RALGAPB: variants seen among roughly 807,000 people sequenced by gnomAD.
RALGAPB encodes Ral GTPase activating protein non-catalytic subunit beta, also known as ral GTPase-activating protein subunit beta.
In RALGAPB, 25 loss-of-function variants were observed where a neutral mutation model predicts 161.1. The ratio of observed to expected loss-of-function variants is 0.16; its 90% confidence interval spans 0.11 to 0.22. The LOEUF is 0.22. Among genes scored for constraint, RALGAPB ranks in the 10% least tolerant of loss-of-function variants. The pLI, the probability that RALGAPB is intolerant of heterozygous loss-of-function variation, is 1.00. For missense variants in RALGAPB, 1,391 were observed against 1,815.2 expected (o/e 0.77, Z 4.25); for synonymous variants, 629 against 626.1 (o/e 1.00, Z -0.07).
At chr20:38,475,400 T>C (rs2084775007) in intron 1 of RALGAPB, among the ~76,000 whole-genome samples, 1 of 152,194 alleles carries the variant, frequency 6.6e-6, no homozygotes, top group Non-Finnish European at 1.5e-5. Context: ...CCATTTGCCA[T>C]ATTTACAAGT....
Position 38,488,476 on chromosome 20 carries a change from A to G in RALGAPB, c.44A>G (p.Asp15Gly), listed in dbSNP as rs370461430. 1 of 1,614,188 alleles carries G rather than the reference A, an allele frequency of 6.2e-7. No homozygotes were observed. The highest frequency in any genetic ancestry group is 8.5e-7 in the Non-Finnish European group (1 of 1,180,028). ...TCACTGCATTTGGTGATTCAGAATG[A>G]TCAAGGCCATACCAGTGTGCTGCAC... ...WRSLHLVIQNDQGHTSVLHSY... is the reference protein window; with the variant it reads ...WRSLHLVIQNGQGHTSVLHSY... Residue 15 changes from aspartate (D) to glycine (G), a missense_variant, in exon 2 of 30, where the codon GAT becomes GGT. By Grantham distance (94) the Asp-to-Gly change is moderately conservative. This residue lies in a region of RALGAPB where 946 missense variants were observed against 1,257.2 expected (regional missense o/e 0.75). Coordinates refer to ENST00000262879, the MANE Select transcript of RALGAPB (RefSeq NM_020336.4).
rs1422103936 is a variant in RALGAPB, at chr20:38,551,092, C to T, written c.3031C>T (p.Pro1011Ser). 3 of 1,613,868 alleles carry T rather than the reference C, an allele frequency of 1.9e-6. No homozygotes were observed. Among genetic ancestry groups the T allele is most frequent in the Non-Finnish European group, 1.7e-6 (2 of 1,179,868 alleles). ...NQKLFVPEPRPVPKNDVGFKY... is the reference protein window; with the variant it reads ...NQKLFVPEPRSVPKNDVGFKY... ...ACAGCTTTTTGTACCTGAACCTCGCCCAGTTCCTAAAAATGACGTTGGATT... is the reference window on the plus strand; with the variant it reads ...ACAGCTTTTTGTACCTGAACCTCGCTCAGTTCCTAAAAATGACGTTGGATT... Residue 1011 changes from proline to serine, a missense_variant, in exon 21 of 30, where the codon CCA becomes TCA. Coordinates refer to ENST00000262879, the MANE Select transcript of RALGAPB (RefSeq NM_020336.4).
At chr20:38,482,532 A>G (rs1004377664) in intron 1 of RALGAPB, among the ~76,000 whole-genome samples, 2 of 148,380 alleles carry the variant, frequency 1.3e-5, no homozygotes, top group African/African-American at 5.0e-5. Flanking sequence ...GGTTCAAGAG[A>G]TTCTACTGCC....
intron 19 of RALGAPB, 55 bp downstream of exon 19, chr20:38,546,485 C>T (rs2087168016): frequency 6.3e-7 from 1 of 1,597,636 alleles, no homozygotes. Context: ...TTACCAGTAC[C>T]ATGAAGCTGT....
intron 29 of RALGAPB, 64 bp from the exon 30 acceptor site, chr20:38,574,710 C>G (rs1279789545): frequency 1.4e-6 from 2 of 1,472,152 alleles, no homozygotes; most frequent in African/African-American, 2.8e-5. Flanking sequence ...CACCTGAATA[C>G]TTACAGTTCA....
chr20:38,499,653 C>T lies in RALGAPB; in HGVS notation c.740+20C>T, dbSNP rs2122950995. 1 of 1,594,994 alleles carries T rather than the reference C, an allele frequency of 6.3e-7. No individual in the cohort carries two copies. Among genetic ancestry groups the T allele is most frequent in the Non-Finnish European group, 8.5e-7 (1 of 1,170,836 alleles). ...TTCCAGGTAGGTTATTGTCATTGCCCTGCCTTCCTTCACCTGTCTGACCTT... is the reference window on the plus strand; with the variant it reads ...TTCCAGGTAGGTTATTGTCATTGCCTTGCCTTCCTTCACCTGTCTGACCTT... On this transcript the variant is annotated intron_variant, in intron 5 of 29. Transcript: ENST00000262879.
rs566218181 is a variant in RALGAPB, at chr20:38,528,557, T to C, written c.2050+2515T>C. Among the ~76,000 whole-genome samples the C allele has an allele frequency of 1.5e-3, 233 of 151,490 alleles. 1 individual carries two copies. The highest frequency in any genetic ancestry group is 2.8e-3 in the Non-Finnish European group (189 of 67,788). ...GGCTAATTTTTTGTTGTTGTTAGAA[T>C]AGGGTCTTGCTCTGTTGCCCAGGCT... On this transcript the variant is annotated intron_variant, in intron 13 of 29. Coordinates refer to ENST00000262879, the MANE Select transcript of RALGAPB (RefSeq NM_020336.4).
At chr20:38,558,802 A>T (rs2087684955) in intron 23 of RALGAPB, among the ~76,000 whole-genome samples, 1 of 152,222 alleles carries the variant, frequency 6.6e-6, no homozygotes, top group Admixed American at 6.5e-5. Context: ...TGGTGGTGAC[A>T]CACAGTCTAG....
At chr20:38,534,584 A>G (rs1278969074) in intron 15 of RALGAPB, among the ~76,000 whole-genome samples, 1 of 152,212 alleles carries the variant, frequency 6.6e-6, no homozygotes, top group African/African-American at 2.4e-5. Flanking sequence ...ATGTTAAAGT[A>G]TGTTTGAAAA....
chr20:38,494,562 C>T (rs1037102061), intron 3 of RALGAPB, among the ~76,000 whole-genome samples: 4 of 152,034 alleles, frequency 2.6e-5, no homozygotes, highest in African/African-American at 4.8e-5. Context: ...ATCTGGGAGG[C>T]GGAGGTTGCA....
intron 23 of RALGAPB, among the ~76,000 whole-genome samples, chr20:38,561,957 C>T (rs1011840026): frequency 1.3e-5 from 2 of 152,190 alleles, no homozygotes; most frequent in African/African-American, 2.4e-5. Context: ...AGAAACCCCA[C>T]GCATTACATT....
intron 29 of RALGAPB, 145 bp downstream of exon 29, chr20:38,574,443 C>T (rs1412335256): frequency 4.0e-6 from 4 of 991,616 alleles, no homozygotes; most frequent in Non-Finnish European, 5.7e-6. Flanking sequence ...AAAAAGGGAG[C>T]ATGTTTCGTT....
chr20:38,499,295 C>A, intron 4 of RALGAPB, 152 bp from the exon 5 acceptor site: 1 of 761,352 alleles, frequency 1.3e-6, no homozygotes, highest in Non-Finnish European at 2.0e-6. Context: ...CTAAGAATTG[C>A]TTCTCATTTT....
chr20:38,478,947 T>C (rs1353786770), intron 1 of RALGAPB, among the ~76,000 whole-genome samples: 1 of 152,138 alleles, frequency 6.6e-6, no homozygotes. Flanking sequence ...GATGAGGCTT[T>C]GCCATATTGG....
chr20:38,550,061 G>A (rs925278784), intron 20 of RALGAPB, among the ~76,000 whole-genome samples: 2 of 152,010 alleles, frequency 1.3e-5, no homozygotes, highest in Non-Finnish European at 2.9e-5. Context: ...ACCAAACACC[G>A]CATATTCTCA....
At chr20:38,484,559 ATTTTG>A (rs1031262022) in intron 1 of RALGAPB, among the ~76,000 whole-genome samples, 1 of 151,584 alleles carries the variant, frequency 6.6e-6, no homozygotes, top group African/African-American at 2.4e-5. Context: ...TTTTTGTTTT[ATTTTG>A]TTTTGAGTTT....
intron 1 of RALGAPB, among the ~76,000 whole-genome samples, chr20:38,479,621 A>G (rs2084907117): frequency 6.6e-6 from 1 of 152,210 alleles, no homozygotes; most frequent in African/African-American, 2.4e-5. Context: ...GCAGGGGAGC[A>G]CTGTTGACTT....
chr20:38,502,748 G>A (rs1416969767), intron 5 of RALGAPB, among the ~76,000 whole-genome samples: 4 of 152,170 alleles, frequency 2.6e-5, no homozygotes, highest in African/African-American at 4.8e-5. Context: ...GATTACAGGC[G>A]TGAGCCACCA....
At chr20:38,534,206 A>ATATAAATG in intron 15 of RALGAPB, among the ~76,000 whole-genome samples, 1 of 152,020 alleles carries the variant, frequency 6.6e-6, no homozygotes, top group East Asian at 1.9e-4. Flanking sequence ...ATGTGTTCTA[A>ATATAAATG]TATAAATGTT....
Sources: allele counts gnomAD v4.1 joint callset (sites outside exome capture counted in the v4.1 genomes callset), GRCh38; gene constraint gnomAD v4.1.1; regional missense constraint gnomAD v4.1.1; transcripts MANE v1.5; gene names NCBI Gene and HGNC (gene_info 2026-07-23, HGNC 2026-07-21).